Variants in SULT1B1 observed in about 807,000 individuals in gnomAD.
SULT1B1 encodes sulfotransferase 1B1.
A neutral mutation model predicts 34.6 loss-of-function variants in SULT1B1; 28 were observed. The observed-to-expected ratio is 0.81, with a 90% CI of 0.60 to 1.11. The LOEUF (loss-of-function observed/expected upper bound fraction) is 1.11, where lower values mean the gene tolerates loss of function less well. Among genes scored for constraint, SULT1B1 ranks in the 50% least tolerant of loss-of-function variants. The pLI is 0.00. For missense variants in SULT1B1, 374 were observed against 352.2 expected (o/e 1.06, Z -0.50); for synonymous variants, 147 against 110.2 (o/e 1.33, Z -2.09).
Position 69,734,261 on chromosome 4 carries a change from T to A in SULT1B1, c.379A>T (p.Ile127Phe), listed in dbSNP as rs892781487. 8 of 1,604,572 alleles carry A rather than the reference T, an allele frequency of 5.0e-6. No individual in the cohort carries two copies. The African/African-American group carries it at 8.1e-5, about 16-fold the overall frequency. The change falls in exon 5 of 8, where the codon ATT becomes TTT. Residue 127 changes from isoleucine (I) to phenylalanine (F), a missense_variant. Physicochemically the swap from Ile to Phe is conservative, Grantham distance 21. Coordinates refer to ENST00000310613, the MANE Select transcript of SULT1B1 (RefSeq NM_014465.4). ...KSFWENNCKM[I>F]YLARNAKDVS... The stretch of plus-strand genomic sequence containing the variant: ...TCCTTGGCATTACGAGCCAGATAAA[T>A]CATCTGCAGTGGGGGGTGGGGGTAG...
chr4:69,747,020 G>A (rs968182365), intron 4 of SULT1B1, among the ~76,000 whole-genome samples: 2 of 152,146 alleles, frequency 1.3e-5, no homozygotes, highest in African/African-American at 2.4e-5. Flanking sequence ...GGGCTAGAGC[G>A]AGAACCTTTG....
chr4:69,747,016 G>C (rs1021037657), intron 4 of SULT1B1, among the ~76,000 whole-genome samples: 1 of 152,180 alleles, frequency 6.6e-6, no homozygotes, highest in Non-Finnish European at 1.5e-5. Context: ...TACGGGGCTA[G>C]AGCGAGAACC....
chr4:69,757,556 CCAA>C (rs1719238193), intron 1 of SULT1B1, among the ~76,000 whole-genome samples: 1 of 151,468 alleles, frequency 6.6e-6, no homozygotes, highest in Admixed American at 6.6e-5. Context: ...TATCTCAAAG[CCAA>C]CTCCTCCACC....
intron 4 of SULT1B1, among the ~76,000 whole-genome samples, chr4:69,737,703 C>T (rs1718373190): frequency 6.6e-6 from 1 of 151,468 alleles, no homozygotes; most frequent in Non-Finnish European, 1.5e-5. Flanking sequence ...GAAAACTATA[C>T]AAAAATATAT....
intron 3 of SULT1B1, among the ~76,000 whole-genome samples, chr4:69,751,481 T>C (rs1044059674): frequency 1.2e-4 from 19 of 152,200 alleles, no homozygotes; most frequent in Non-Finnish European, 1.9e-4. Flanking sequence ...AGACGGAGTC[T>C]CACTCTGTCG....
At chr4:69,753,962 T>C (rs1333974062) in intron 3 of SULT1B1, among the ~76,000 whole-genome samples, 2 of 152,178 alleles carry the variant, frequency 1.3e-5, no homozygotes, top group Admixed American at 1.3e-4. Context: ...ATAAACCATG[T>C]AGCTATTCTG....
intron 4 of SULT1B1, among the ~76,000 whole-genome samples, chr4:69,738,088 C>A (rs997803728): frequency 6.6e-6 from 1 of 152,160 alleles, no homozygotes; most frequent in South Asian, 2.1e-4. Flanking sequence ...GGTTTACCTT[C>A]CATGCATAAG....
In SULT1B1 at chr4:69,744,992, A is replaced by G. The variant is rs142067547; in HGVS notation, c.375+4729T>C. On this transcript the variant is annotated intron_variant, in intron 4 of 7. Coordinates refer to ENST00000310613, the MANE Select transcript of SULT1B1 (RefSeq NM_014465.4). ...TTTCTGCCTTAATTTCATTATTTAC[A>G]TTGTTTCAGGGGCAGGTCATTTAAC... Among the ~76,000 whole-genome samples, 189 of 152,162 alleles carry G rather than the reference A, an allele frequency of 1.2e-3. 4 individuals carry two copies. Among genetic ancestry groups the G allele is most frequent in the Admixed American group, 0.01 (154 of 15,294 alleles).
intron 1 of SULT1B1, among the ~76,000 whole-genome samples, chr4:69,755,779 C>T (rs570883417): frequency 7.1e-4 from 108 of 152,092 alleles, no homozygotes; most frequent in Non-Finnish European, 1.0e-3. Flanking sequence ...TGTGTGCACG[C>T]GCGTATACAT....
In SULT1B1 at chr4:69,757,656, T is replaced by C. The variant is rs562076230; in HGVS notation, c.-44-2395A>G. Among the ~76,000 whole-genome samples, 13 of 152,308 alleles carry C rather than the reference T, an allele frequency of 8.5e-5. 1 individual carries two copies. In the South Asian group the frequency reaches 2.7e-3, roughly 32 times the overall value. Reference sequence around the variant, plus strand: ...TTTTTTCATTTTATATTGTAAGATGTGTATTACGTAACATATTTTTATATG... The same window carrying C: ...TTTTTTCATTTTATATTGTAAGATGCGTATTACGTAACATATTTTTATATG... On this transcript the variant is annotated intron_variant, in intron 1 of 7. Coordinates refer to ENST00000310613, the MANE Select transcript of SULT1B1 (RefSeq NM_014465.4).
intron 4 of SULT1B1, among the ~76,000 whole-genome samples, chr4:69,743,997 C>G (rs1040170381): frequency 6.6e-6 from 1 of 152,088 alleles, no homozygotes; most frequent in Non-Finnish European, 1.5e-5. Flanking sequence ...ACAGGGAGCC[C>G]TGGGTCCATA....
chr4:69,738,901 C>T (rs1422965211), intron 4 of SULT1B1, among the ~76,000 whole-genome samples: 4 of 152,162 alleles, frequency 2.6e-5, no homozygotes, highest in South Asian at 2.1e-4. Context: ...ATGGTTGAAA[C>T]AAAAGGGGCT....
chr4:69,750,516 T>C (rs116766654), intron 3 of SULT1B1, among the ~76,000 whole-genome samples: 2,666 of 152,274 alleles, frequency 0.018, 77 homozygotes, highest in African/African-American at 0.061. Context: ...ATATACAGTC[T>C]AAACTCTAGA....
At chr4:69,733,583 G>C (rs1294650123) in intron 5 of SULT1B1, 76 bp from the exon 6 acceptor site, 3 of 1,119,544 alleles carry the variant, frequency 2.7e-6, no homozygotes, top group Non-Finnish European at 1.2e-6. Flanking sequence ...AAATCAAATT[G>C]TGAAAACATT....
intron 1 of SULT1B1, among the ~76,000 whole-genome samples, chr4:69,756,513 G>A (rs1719199120): frequency 6.6e-6 from 1 of 152,170 alleles, no homozygotes; most frequent in African/African-American, 2.4e-5. Flanking sequence ...ATTAGTTGAA[G>A]TCTGAGTAGA....
rs1452166871 is a variant in SULT1B1, at chr4:69,723,893, C to A, written c.*3195G>T. ...TGTATCTCAAAATAAGGAGAGCCCTCTATGACAAACCACCAGCCAATATCA... is the reference window on the plus strand; with the variant it reads ...TGTATCTCAAAATAAGGAGAGCCCTATATGACAAACCACCAGCCAATATCA... On this transcript the variant is annotated 3_prime_UTR_variant, in exon 8 of 8. Transcript: ENST00000310613. 3.3e-5 allele frequency: 5 copies of A among 152,266 alleles called. No individual in the cohort carries two copies. In the South Asian group the frequency reaches 1.0e-3, roughly 32 times the overall value. The allele number at this position is 152,266 out of a possible 1,614,324, so 9.4% of individuals were successfully genotyped here.
intron 4 of SULT1B1, among the ~76,000 whole-genome samples, chr4:69,742,408 T>G (rs984439621): frequency 2.0e-5 from 3 of 152,230 alleles, no homozygotes; most frequent in African/African-American, 7.2e-5. Context: ...GAGTCCTTCT[T>G]CCTTGACTTT....
intron 3 of SULT1B1, among the ~76,000 whole-genome samples, chr4:69,753,416 T>A (rs1452037785): frequency 6.6e-6 from 1 of 152,204 alleles, no homozygotes; most frequent in South Asian, 2.1e-4. Context: ...ACAAAAACTC[T>A]ATATAATTTT....
chr4:69,734,381 G>T, intron 4 of SULT1B1, 117 bp from the exon 5 acceptor site: 2 of 1,098,912 alleles, frequency 1.8e-6, no homozygotes, highest in Non-Finnish European at 2.5e-6. Flanking sequence ...GAAATTGTGG[G>T]CCAGGGAGGC....
Sources: gnomAD v4.1 joint callset for allele counts (sites outside exome capture counted in the v4.1 genomes callset) on GRCh38, gnomAD v4.1.1 for gene constraint, MANE v1.5 for transcripts, NCBI Gene and HGNC (gene_info 2026-07-23, HGNC 2026-07-21) for gene names.